SLC17A1: variants seen among roughly 807,000 people sequenced by gnomAD.
The protein encoded by SLC17A1 is sodium-dependent phosphate transport protein 1.
In SLC17A1, 51 loss-of-function variants were observed where a neutral mutation model predicts 53.5. The observed-to-expected ratio is 0.95, with a 90% CI of 0.76 to 1.20. The LOEUF (loss-of-function observed/expected upper bound fraction) is 1.20. Among genes scored for constraint, SLC17A1 ranks in the 50% most tolerant of loss-of-function variants. The pLI is 0.00. For synonymous variants in SLC17A1, 179 were observed against 198.8 expected (o/e 0.90, Z 0.84); for missense variants, 538 against 568.2 (o/e 0.95, Z 0.54).
At chr6:25,814,258 C>G (rs1425746522) in intron 6 of SLC17A1, among the ~76,000 whole-genome samples, 1 of 152,090 alleles carries the variant, frequency 6.6e-6, no homozygotes, top group Non-Finnish European at 1.5e-5. Flanking sequence ...TACCATGCAC[C>G]TATTTTAAGT....
At chr6:25,807,165 T>C (rs1014793678) in intron 10 of SLC17A1, among the ~76,000 whole-genome samples, 3 of 152,242 alleles carry the variant, frequency 2.0e-5, no homozygotes, top group Non-Finnish European at 4.4e-5. Flanking sequence ...GATCCAGAAA[T>C]TCCACTACTG....
intron 10 of SLC17A1, among the ~76,000 whole-genome samples, chr6:25,809,636 A>G (rs142272636): frequency 6.6e-6 from 1 of 152,180 alleles, no homozygotes; most frequent in East Asian, 1.9e-4. Context: ...ACAAATGTAA[A>G]GATATCCTGT....
At chr6:25,725,684 C>G in the SLC17A1 span, among the ~76,000 whole-genome samples, 1 of 152,140 alleles carries the variant, frequency 6.6e-6, no homozygotes, top group Non-Finnish European at 1.5e-5. Flanking sequence ...CTGTAACTTT[C>G]GCCTCCCGGA....
the SLC17A1 span, among the ~76,000 whole-genome samples, chr6:25,741,415 CAAAAAAAAAA>C: frequency 2.3e-4 from 19 of 82,926 alleles, 1 homozygote; most frequent in Non-Finnish European, 3.0e-4. Context: ...ACTAAGAATC[CAAAAAAAAAA>C]AAAAAAAAAA....
the SLC17A1 span, among the ~76,000 whole-genome samples, chr6:25,760,756 T>C: frequency 6.6e-6 from 1 of 152,156 alleles, no homozygotes; most frequent in Non-Finnish European, 1.5e-5. Context: ...TCACTTAGTT[T>C]CAAATTTTAA....
chr6:25,776,317 C>A, the SLC17A1 span, among the ~76,000 whole-genome samples: 35 of 151,522 alleles, frequency 2.3e-4, no homozygotes, highest in African/African-American at 8.5e-4. Flanking sequence ...TCTGTTATTA[C>A]CCTTTGCCTA....
At chr6:25,790,150 T>C (rs13200921) in intron 12 of SLC17A1, among the ~76,000 whole-genome samples, 9,048 of 152,234 alleles carry the variant, frequency 0.059, 327 homozygotes, top group Non-Finnish European at 0.086. Context: ...TTTGATTACA[T>C]CCCTTAAGTC....
chr6:25,792,449 C>T (rs979838177), intron 12 of SLC17A1, among the ~76,000 whole-genome samples: 2 of 151,184 alleles, frequency 1.3e-5, no homozygotes, highest in African/African-American at 4.9e-5. Flanking sequence ...AAGTCTTCCA[C>T]ATATTTGGGC....
chr6:25,819,612 G>A lies in SLC17A1; in HGVS notation c.442-14C>T, dbSNP rs762619580. The A allele has an allele frequency of 1.9e-6, 3 of 1,612,718 alleles. No individual in the cohort carries two copies. The highest frequency in any genetic ancestry group is 1.3e-5 in the African/African-American group (1 of 74,888). ...TGCAACTATCCCCTGAAATGAGAAA[G>A]GTTTGACATTTAATCTCTAATACTT... On this transcript the variant is annotated splice_polypyrimidine_tract_variant and intron_variant, in intron 4 of 12. Coordinates refer to ENST00000244527, the MANE Select transcript of SLC17A1 (RefSeq NM_005074.5).
At chr6:25,829,189 G>C (rs1764858340) in intron 2 of SLC17A1, among the ~76,000 whole-genome samples, 1 of 152,032 alleles carries the variant, frequency 6.6e-6, no homozygotes, top group Non-Finnish European at 1.5e-5. Flanking sequence ...ATGATATGGG[G>C]ACAACAGGAA....
the SLC17A1 span, among the ~76,000 whole-genome samples, chr6:25,749,446 A>G: frequency 1.3e-5 from 2 of 152,192 alleles, no homozygotes; most frequent in Admixed American, 6.5e-5. Context: ...CATAGACACA[A>G]TAACAGTCTG....
At chr6:25,780,772 A>G (rs1763249657), downstream of SLC17A1, 2 of 152,188 alleles carry the variant, frequency 1.3e-5, no homozygotes, top group South Asian at 4.1e-4. Context: ...GGCAATAGAC[A>G]TGGTGAGAGG....
chr6:25,761,716 A>G, the SLC17A1 span, among the ~76,000 whole-genome samples: 1 of 152,188 alleles, frequency 6.6e-6, no homozygotes, highest in Non-Finnish European at 1.5e-5. Context: ...CTCACTTGCG[A>G]GATATAAATA....
the SLC17A1 span, chr6:25,732,908 C>CT: frequency 4.5e-4 from 97 of 216,188 alleles, no homozygotes; most frequent in East Asian, 0.014. Flanking sequence ...AAACAAAAAC[C>CT]CCAAAGCTGA....
At chr6:25,751,639 C>T in the SLC17A1 span, among the ~76,000 whole-genome samples, 1 of 152,166 alleles carries the variant, frequency 6.6e-6, no homozygotes, top group Admixed American at 6.5e-5. Context: ...AGCCAAGACA[C>T]GATGGTCATG....
chr6:25,773,377 G>A, the SLC17A1 span: 145 of 1,613,848 alleles, frequency 9.0e-5, no homozygotes, highest in East Asian at 2.2e-3. Flanking sequence ...TACATTGTGT[G>A]TTCATTGGCT....
At chr6:25,726,240 CTTA>C in the SLC17A1 span, 23 of 1,613,754 alleles carry the variant, frequency 1.4e-5, no homozygotes, top group South Asian at 5.5e-5. Context: ...CGCCCAAAAG[CTTA>C]TTGAGTTCCT....
the SLC17A1 span, among the ~76,000 whole-genome samples, chr6:25,733,798 GTGTGTGTA>G: frequency 1.1e-4 from 11 of 103,512 alleles, no homozygotes; most frequent in East Asian, 4.4e-4. Context: ...GTGTGTGTGT[GTGTGTGTA>G]TGTGTGTGTG....
chr6:25,828,656 C>T (rs181898374), intron 2 of SLC17A1, among the ~76,000 whole-genome samples: 75 of 151,746 alleles, frequency 4.9e-4, no homozygotes, highest in Middle Eastern at 3.4e-3. Flanking sequence ...TTTCATAAGA[C>T]TATTTTGCTT....
Sources: gnomAD v4.1 joint callset for allele counts (sites outside exome capture counted in the v4.1 genomes callset) on GRCh38, gnomAD v4.1.1 for gene constraint, MANE v1.5 for transcripts, NCBI Gene and HGNC (gene_info 2026-07-23, HGNC 2026-07-21) for gene names.